Variants in GLI3 observed in about 807,000 individuals in gnomAD.
GLI3 encodes transcription activator GLI3.
A neutral mutation model predicts 100.8 loss-of-function variants in GLI3; 20 were observed. The ratio of observed to expected loss-of-function variants is 0.20; its 90% CI spans 0.14 to 0.29. The LOEUF is 0.29. Ranked by LOEUF, GLI3 falls within the 10% of genes least tolerant of loss-of-function variation. The pLI is 1.00. For missense variants in GLI3, 2,040 were observed against 2,128.5 expected (o/e 0.96, Z 0.82); for synonymous variants, 938 against 860.5 (o/e 1.09, Z -1.58).
chr7:42,193,173 G>A (rs920975335), intron 2 of GLI3, among the ~76,000 whole-genome samples: 63 of 152,280 alleles, frequency 4.1e-4, no homozygotes, highest in Non-Finnish European at 8.4e-4. Flanking sequence ...GTCACAGAGA[G>A]GCACAACTAC....
chr7:42,098,026 G>A (rs1427088236), intron 3 of GLI3, among the ~76,000 whole-genome samples: 1 of 152,114 alleles, frequency 6.6e-6, no homozygotes, highest in East Asian at 1.9e-4. Flanking sequence ...GAGAGGTTAA[G>A]CAATAAGCCC....
At chr7:42,261,278 G>T (rs1789137472) in intron 1 of GLI3, among the ~76,000 whole-genome samples, 1 of 151,826 alleles carries the variant, frequency 6.6e-6, no homozygotes, top group African/African-American at 2.4e-5. Flanking sequence ...CATTGTAAAT[G>T]ATCAGATCTC....
intron 1 of GLI3, among the ~76,000 whole-genome samples, chr7:42,229,505 C>CT (rs1379392094): frequency 1.3e-5 from 2 of 152,136 alleles, no homozygotes; most frequent in Admixed American, 6.5e-5. Flanking sequence ...TTACACCTGC[C>CT]TGTATTTTCA....
chr7:42,226,291 A>T (rs181111926), intron 1 of GLI3, among the ~76,000 whole-genome samples: 209 of 152,366 alleles, frequency 1.4e-3, no homozygotes, highest in Non-Finnish European at 2.2e-3. Context: ...CCTAGTAAGA[A>T]CTAAGTATCT....
intron 4 of GLI3, among the ~76,000 whole-genome samples, chr7:42,055,917 A>G (rs1784450591): frequency 6.6e-6 from 1 of 152,132 alleles, no homozygotes; most frequent in South Asian, 2.1e-4. Flanking sequence ...TTGAATTCCC[A>G]TGTGTTGTTG....
chr7:42,047,867 C>G (rs1176579319), intron 5 of GLI3, among the ~76,000 whole-genome samples: 2 of 152,186 alleles, frequency 1.3e-5, no homozygotes, highest in African/African-American at 4.8e-5. Context: ...TAAGACCTTG[C>G]CACTCAGAGT....
chr7:42,058,494 A>G (rs1562708230), intron 4 of GLI3, among the ~76,000 whole-genome samples: 1 of 152,230 alleles, frequency 6.6e-6, no homozygotes, highest in Non-Finnish European at 1.5e-5. Context: ...AAATTGATAC[A>G]CATTTTTATT....
chr7:42,193,643 A>G (rs1265989095), intron 2 of GLI3, among the ~76,000 whole-genome samples: 1 of 152,102 alleles, frequency 6.6e-6, no homozygotes, highest in Admixed American at 6.6e-5. Flanking sequence ...ACCCACATCC[A>G]CCCAAGGCCT....
At chr7:42,157,845 T>C (rs927823833) in intron 2 of GLI3, among the ~76,000 whole-genome samples, 1 of 152,180 alleles carries the variant, frequency 6.6e-6, no homozygotes, top group Non-Finnish European at 1.5e-5. Context: ...ATTCCATCCC[T>C]TGAAACAATA....
intron 5 of GLI3, among the ~76,000 whole-genome samples, chr7:42,047,159 A>G (rs974559766): frequency 1.3e-5 from 2 of 152,242 alleles, no homozygotes; most frequent in Non-Finnish European, 2.9e-5. Context: ...CTTTCTCAAA[A>G]TAAAATAAAA....
intron 2 of GLI3, among the ~76,000 whole-genome samples, chr7:42,220,516 C>T (rs1173036355): frequency 6.6e-6 from 1 of 152,124 alleles, no homozygotes; most frequent in African/African-American, 2.4e-5. Context: ...CACACCAGTC[C>T]CTGTGATCAA....
intron 3 of GLI3, among the ~76,000 whole-genome samples, chr7:42,096,026 G>A (rs751115070): frequency 5.3e-5 from 8 of 152,162 alleles, no homozygotes; most frequent in African/African-American, 1.2e-4. Context: ...AGAGGGAGGA[G>A]GCAGTTTCAG....
chr7:41,991,785 G>T (rs562444778), intron 10 of GLI3, among the ~76,000 whole-genome samples: 1 of 152,310 alleles, frequency 6.6e-6, no homozygotes, highest in African/African-American at 2.4e-5. Context: ...AAGGAAGAAA[G>T]GGAGGCTGAC....
chr7:42,036,063 C>T (rs903761677), intron 7 of GLI3, among the ~76,000 whole-genome samples: 2 of 152,122 alleles, frequency 1.3e-5, no homozygotes, highest in African/African-American at 4.8e-5. Flanking sequence ...TATAATATGT[C>T]AATGGGCTTT....
rs567870184 is a variant in GLI3, at chr7:42,107,928, G to C, written c.368-31071C>G. On this transcript the variant is annotated intron_variant, in intron 3 of 14. Transcript: ENST00000395925. ...TTTTTTAAACTTTTTCCTCTTCACT[G>C]GCACACTCACAAGTTTGTTTAGTGT... is the stretch of plus-strand genomic sequence containing the variant. 2.0e-5 allele frequency among the ~76,000 whole-genome samples: 3 copies of C among 152,254 alleles called. No homozygotes were observed. The South Asian group carries it at 6.2e-4, about 32-fold the overall frequency.
In GLI3 at chr7:42,168,638, G is replaced by A. The variant is rs566697437; in HGVS notation, c.125-20170C>T. ...AATCTATAAAGTTCGAAAACAGGCC[G>A]AGCACAGTGGCTCATGCCTGCAATC... On this transcript the variant is annotated intron_variant, in intron 2 of 14. Coordinates refer to ENST00000395925, the MANE Select transcript of GLI3 (RefSeq NM_000168.6). Among the ~76,000 whole-genome samples, 6 of 152,214 alleles carry A rather than the reference G, an allele frequency of 3.9e-5. No individual in the cohort carries two copies. In the East Asian group the frequency reaches 7.7e-4, roughly 20 times the overall value.
intron 1 of GLI3, among the ~76,000 whole-genome samples, chr7:42,255,101 T>C (rs139628691): frequency 2.6e-5 from 4 of 151,346 alleles, no homozygotes; most frequent in Admixed American, 2.6e-4. Flanking sequence ...TCTTTGTGCA[T>C]AGGATTCTTT....
chr7:42,020,407 C>T (rs1048821143), intron 10 of GLI3, among the ~76,000 whole-genome samples: 1 of 152,098 alleles, frequency 6.6e-6, no homozygotes, highest in African/African-American at 2.4e-5. Flanking sequence ...ACCCTATTCC[C>T]CGGAAGGATA....
intron 2 of GLI3, among the ~76,000 whole-genome samples, chr7:42,168,200 T>C (rs1787283007): frequency 6.6e-6 from 1 of 152,204 alleles, no homozygotes. Context: ...CTCAGTACCT[T>C]GTTAAGAAAA....
Sources: gnomAD v4.1 joint callset for allele counts (sites outside exome capture counted in the v4.1 genomes callset) on GRCh38, gnomAD v4.1.1 for gene constraint, MANE v1.5 for transcripts, NCBI Gene and HGNC (gene_info 2026-07-23, HGNC 2026-07-21) for gene names.